Variants in UTRN observed in about 807,000 individuals in gnomAD.
The protein encoded by UTRN is dystrophin-related protein 1.
UTRN carries 283 observed loss-of-function variants against 463.9 expected under a neutral mutation model. The observed-to-expected ratio is 0.61, with a 90% CI of 0.55 to 0.67. UTRN has a LOEUF of 0.67. Among genes scored for constraint, UTRN ranks in the 30% least tolerant of loss-of-function variants. The pLI is 0.00. For missense variants in UTRN, 3,922 were observed against 4,084.3 expected (o/e 0.96, Z 1.08); for synonymous variants, 1,442 against 1,431.5 (o/e 1.01, Z -0.17).
Position 144,690,072 on chromosome 6 carries a change from C to CTATTTTTTT in UTRN, c.7653-10014_7653-10013insATTTTTTTT, listed in dbSNP as rs1428641511. On this transcript the variant is annotated intron_variant, in intron 52 of 74. Transcript: ENST00000367545. ...GGGGCCATAGAGCTCCCAAAAGTTT[C>CTATTTTTTT]TGTTTTTTTTTTTTTTTTTTTTTTG... Among the ~76,000 whole-genome samples the CTATTTTTTT allele has an allele frequency of 2.0e-4, 7 of 35,654 alleles. 1 individual carries two copies. The highest frequency in any genetic ancestry group is 2.9e-3 in the South Asian group (2 of 698). 23.4% of individuals were successfully genotyped at this position (35,654 alleles called of 152,430 possible).
At chr6:144,299,819 T>C (rs1352350045) in intron 2 of UTRN, among the ~76,000 whole-genome samples, 1 of 152,166 alleles carries the variant, frequency 6.6e-6, no homozygotes, top group East Asian at 1.9e-4. Context: ...ACCTCTATGC[T>C]AGTTTTCTTA....
chr6:144,688,459 A>G (rs1782977602), intron 52 of UTRN, among the ~76,000 whole-genome samples: 1 of 152,212 alleles, frequency 6.6e-6, no homozygotes, highest in East Asian at 1.9e-4. Flanking sequence ...TCATATTGCC[A>G]GAATTATTTT....
At chr6:144,449,736 C>T (rs1370986308) in intron 17 of UTRN, among the ~76,000 whole-genome samples, 1 of 152,142 alleles carries the variant, frequency 6.6e-6, no homozygotes, top group Non-Finnish European at 1.5e-5. Flanking sequence ...AAGTTTCTCA[C>T]AAGAATCAGC....
intron 2 of UTRN, among the ~76,000 whole-genome samples, chr6:144,327,925 C>T (rs1007120338): frequency 2.0e-5 from 3 of 152,106 alleles, no homozygotes; most frequent in African/African-American, 7.2e-5. Flanking sequence ...GCCTGGGCAA[C>T]AAGGGCGAAA....
chr6:144,694,266 A>G (rs200160553), intron 52 of UTRN, among the ~76,000 whole-genome samples: 1 of 132,914 alleles, frequency 7.5e-6, no homozygotes, highest in Non-Finnish European at 1.7e-5. Context: ...TAGCTTTTTC[A>G]TGTGCTGCTG....
At chr6:144,712,390 C>G (rs1355910026) in intron 53 of UTRN, among the ~76,000 whole-genome samples, 1 of 152,140 alleles carries the variant, frequency 6.6e-6, no homozygotes, top group African/African-American at 2.4e-5. Flanking sequence ...GGTGAGACAG[C>G]CTAATAGGTG....
rs376541134 is a variant in UTRN at position 144,531,115 on chromosome 6, G to A, written c.5970G>A (p.Gln1990=). ...ATTGTGACCTTAATGACCTCACACA[G>A]TGGATAACAGAGGCTGAAGAATTAC... ...QFHCDLNDLT[Q]WITEAEELLV... The change falls in exon 42 of 75, where the codon CAG becomes CAA. Residue 1990 remains glutamine, a synonymous_variant. Coordinates refer to ENST00000367545, the MANE Select transcript of UTRN (RefSeq NM_007124.3). 3 of 1,613,962 alleles carry A rather than the reference G, an allele frequency of 1.9e-6. No homozygotes were observed. Among genetic ancestry groups the A allele is most frequent in the Middle Eastern group, 1.6e-4 (1 of 6,080 alleles).
chr6:144,424,137 G>A (rs1322241188), intron 6 of UTRN, 59 bp downstream of exon 6: 1 of 1,566,090 alleles, frequency 6.4e-7, no homozygotes, highest in South Asian at 1.1e-5. Flanking sequence ...TTGTCTTTTA[G>A]TTTCTTAAGG....
chr6:144,412,002 C>T (rs1447915801), intron 3 of UTRN, among the ~76,000 whole-genome samples: 1 of 152,096 alleles, frequency 6.6e-6, no homozygotes, highest in Non-Finnish European at 1.5e-5. Context: ...TTGCAGTGCC[C>T]TCATTTTACT....
Position 144,490,082 on chromosome 6 carries a change from A to G in UTRN, c.4146A>G (p.Ala1382=), listed in dbSNP as rs1191563448. ...CAATCTCTTTTTAGAAAATCCAAGC[A>G]GAGATCTCAGCCCATGAGCTAACCC... is the stretch of plus-strand genomic sequence containing the variant. The part of the protein sequence containing the change: ...QVPQEAQKIQ[A]EISAHELTLE... Residue 1382 remains alanine, a synonymous_variant, in exon 31 of 75, where the codon GCA becomes GCG. Transcript: ENST00000367545. The G allele has an allele frequency of 2.5e-6, 4 of 1,609,630 alleles. No individual in the cohort carries two copies. Among genetic ancestry groups the G allele is most frequent in the Non-Finnish European group, 3.4e-6 (4 of 1,178,662 alleles).
intron 53 of UTRN, among the ~76,000 whole-genome samples, chr6:144,703,455 A>G (rs980319416): frequency 6.6e-6 from 1 of 152,134 alleles, no homozygotes; most frequent in African/African-American, 2.4e-5. Flanking sequence ...GATCACCTAT[A>G]GGGAGAGATT....
intron 2 of UTRN, among the ~76,000 whole-genome samples, chr6:144,329,312 A>T (rs910885262): frequency 2.7e-5 from 4 of 150,400 alleles, no homozygotes; most frequent in African/African-American, 9.8e-5. Flanking sequence ...CGATCTCTTG[A>T]CCTTGTGATC....
rs60234245 is a variant in UTRN, at chr6:144,381,596, T to C, written c.80-21527T>C. ...GAGGGACCCAGTGGGAGTAATTGAATCATGGAGGCAAGTCTTTCCCATGCT... is the reference window on the plus strand; with the variant it reads ...GAGGGACCCAGTGGGAGTAATTGAACCATGGAGGCAAGTCTTTCCCATGCT... On this transcript the variant is annotated intron_variant, in intron 2 of 74. Transcript: ENST00000367545. Among the ~76,000 whole-genome samples, 1,107 of 152,292 alleles carry C rather than the reference T, an allele frequency of 7.3e-3. 55 individuals carry two copies. The East Asian group carries it at 0.13, about 18-fold the overall frequency.
chr6:144,728,917 A>G (rs1375679343), intron 53 of UTRN, among the ~76,000 whole-genome samples: 1 of 152,148 alleles, frequency 6.6e-6, no homozygotes, highest in African/African-American at 2.4e-5. Context: ...AGCTCTTCTC[A>G]TCCCTCCCCA....
intron 52 of UTRN, among the ~76,000 whole-genome samples, chr6:144,694,320 T>C (rs573760251): frequency 7.6e-4 from 115 of 151,946 alleles, no homozygotes; most frequent in African/African-American, 2.7e-3. Flanking sequence ...TGAATTGATG[T>C]TCATCAAGGA....
chr6:144,700,590 C>T (rs1458554987), intron 53 of UTRN, among the ~76,000 whole-genome samples: 1 of 151,462 alleles, frequency 6.6e-6, no homozygotes, highest in Non-Finnish European at 1.5e-5. Flanking sequence ...TTTGTTTTAC[C>T]AAGTTTCACT....
chr6:144,665,605 A>T (rs1335608091), intron 51 of UTRN, among the ~76,000 whole-genome samples: 1 of 152,246 alleles, frequency 6.6e-6, no homozygotes, highest in Non-Finnish European at 1.5e-5. Flanking sequence ...TAAAAAGTAA[A>T]TAAATAAATG....
At chr6:144,799,593 G>C (rs941342814) in intron 64 of UTRN, 2 of 431,520 alleles carry the variant, frequency 4.6e-6, no homozygotes, top group Non-Finnish European at 9.7e-6. Context: ...CTACTACTGG[G>C]AAGATAATTC....
chr6:144,305,955 G>A (rs377371266), intron 2 of UTRN, among the ~76,000 whole-genome samples: 2 of 152,154 alleles, frequency 1.3e-5, no homozygotes, highest in East Asian at 1.9e-4. Context: ...GCCTATTATT[G>A]TCTATTTCTA....
Sources: gnomAD v4.1 joint callset for allele counts (sites outside exome capture counted in the v4.1 genomes callset) on GRCh38, gnomAD v4.1.1 for gene constraint, MANE v1.5 for transcripts, NCBI Gene and HGNC (gene_info 2026-07-23, HGNC 2026-07-21) for gene names.